Variants in KCNK10 observed in about 807,000 individuals in gnomAD.
The protein encoded by KCNK10 is potassium channel subfamily K member 10.
KCNK10 carries 25 observed loss-of-function variants against 47.7 expected under a neutral mutation model. That is an observed-to-expected ratio of 0.52 (90% CI 0.38 to 0.73). The LOEUF (loss-of-function observed/expected upper bound fraction) is 0.73. Ranked by LOEUF, KCNK10 falls within the 30% of genes least tolerant of loss-of-function variation. The probability of loss-of-function intolerance (pLI) is 0.00; values close to 1 mark genes in which losing one functional copy is unlikely to be tolerated. For synonymous variants in KCNK10, 303 were observed against 285.6 expected, an observed-to-expected ratio of 1.06 and a Z score of -0.61; for missense variants, 563 against 714.5, an observed-to-expected ratio of 0.79 and a Z score of 2.42.
intron 2 of KCNK10, among the ~76,000 whole-genome samples, chr14:88,246,263 A>C (rs1886637390): frequency 7.7e-6 from 1 of 129,590 alleles, no homozygotes; most frequent in Non-Finnish European, 1.7e-5. Context: ...ACTCCGTCTC[A>C]GAAAAAAAAA....
chr14:88,215,438 C>G (rs1453062034), intron 4 of KCNK10, among the ~76,000 whole-genome samples: 1 of 152,138 alleles, frequency 6.6e-6, no homozygotes, highest in Non-Finnish European at 1.5e-5. Context: ...TGGGAATAAT[C>G]TCCCCCATGA....
At chr14:88,239,449 C>A (rs1479136299) in intron 3 of KCNK10, among the ~76,000 whole-genome samples, 2 of 152,076 alleles carry the variant, frequency 1.3e-5, no homozygotes, top group South Asian at 4.1e-4. Flanking sequence ...TGATGTCCAC[C>A]AAAACTTTGT....
intron 4 of KCNK10, among the ~76,000 whole-genome samples, chr14:88,222,219 A>G (rs1184451603): frequency 6.6e-6 from 1 of 152,220 alleles, no homozygotes; most frequent in African/African-American, 2.4e-5. Flanking sequence ...AGAATAGCAC[A>G]GGAAAGACTG....
intron 4 of KCNK10, among the ~76,000 whole-genome samples, chr14:88,197,614 C>CAAAAAAAAAAA (rs1884960053): frequency 5.9e-5 from 3 of 50,814 alleles, no homozygotes; most frequent in Non-Finnish European, 1.3e-4. Context: ...AAAAAAAAAT[C>CAAAAAAAAAAA]AACTGTTCCA....
intron 1 of KCNK10, among the ~76,000 whole-genome samples, chr14:88,277,381 A>G (rs1478465306): frequency 2.6e-5 from 4 of 152,172 alleles, no homozygotes; most frequent in Non-Finnish European, 5.9e-5. Context: ...TGGCTCCTCT[A>G]ATGCATATCA....
At chr14:88,207,553 T>A (rs1027513725) in intron 4 of KCNK10, among the ~76,000 whole-genome samples, 1 of 152,196 alleles carries the variant, frequency 6.6e-6, no homozygotes, top group Non-Finnish European at 1.5e-5. Context: ...TGTCTCACTA[T>A]GCTGCCCAAG....
intron 1 of KCNK10, among the ~76,000 whole-genome samples, chr14:88,277,167 T>C (rs1468540224): frequency 6.6e-6 from 1 of 151,906 alleles, no homozygotes; most frequent in African/African-American, 2.4e-5. Flanking sequence ...TCAGTGCTCC[T>C]GGTTCATTTC....
intron 1 of KCNK10, among the ~76,000 whole-genome samples, chr14:88,278,922 T>C (rs1281852655): frequency 2.6e-5 from 4 of 152,212 alleles, no homozygotes; most frequent in African/African-American, 9.6e-5. Context: ...AGATTTTTAA[T>C]GGCCCCTCAG....
intron 4 of KCNK10, among the ~76,000 whole-genome samples, chr14:88,220,317 T>G (rs1236581785): frequency 7.0e-6 from 1 of 143,616 alleles, no homozygotes; most frequent in African/African-American, 2.6e-5. Flanking sequence ...CTTGGGAGGC[T>G]GAGGCAGGAG....
intron 4 of KCNK10, among the ~76,000 whole-genome samples, chr14:88,224,298 C>T (rs561997975): frequency 2.7e-4 from 41 of 152,264 alleles, no homozygotes; most frequent in African/African-American, 9.1e-4. Context: ...TAAGCCCTTT[C>T]GGAAACAAAG....
intron 3 of KCNK10, among the ~76,000 whole-genome samples, chr14:88,232,879 C>T (rs1190668610): frequency 1.3e-5 from 2 of 152,192 alleles, no homozygotes; most frequent in Non-Finnish European, 2.9e-5. Context: ...TCCTGCCTCC[C>T]ACCACAGAGG....
intron 2 of KCNK10, among the ~76,000 whole-genome samples, chr14:88,250,629 C>T (rs907336739): frequency 3.3e-5 from 5 of 152,194 alleles, no homozygotes. Flanking sequence ...CAACACGCTG[C>T]TTTCCTAAAA....
rs1595124897 is a variant in KCNK10 at position 88,291,372 on chromosome 14, T to A, written c.53-27821A>T. Among the ~76,000 whole-genome samples, 8 of 152,292 alleles carry A rather than the reference T, an allele frequency of 5.3e-5. 2 individuals carry two copies. Among genetic ancestry groups the A allele is most frequent in the Admixed American group, 5.2e-4 (8 of 15,292 alleles). ...TGTTGTCTTGGGGTTTATACTGAGA[T>A]CTCTCAAAACTGAAGACTGAGGATC... is the stretch of plus-strand genomic sequence containing the variant. On this transcript the variant is annotated intron_variant, in intron 1 of 6. Coordinates refer to ENST00000319231, the MANE Select transcript of KCNK10 (RefSeq NM_138317.3).
intron 3 of KCNK10, among the ~76,000 whole-genome samples, chr14:88,231,292 T>TAAAAAA (rs1555361722): frequency 9.9e-5 from 15 of 151,272 alleles, no homozygotes; most frequent in African/African-American, 3.7e-4. Flanking sequence ...AAAATAAAAA[T>TAAAAAA]AAAAATAAAA....
rs1887093472 is a variant in KCNK10, at chr14:88,260,962, A to C, written c.402+2240T>G. ...CGCTCTCTGACCCTGTCCTTCATTC[A>C]GGTCTCTGAGCTCTCTCATAAAGAT... On this transcript the variant is annotated intron_variant, in intron 2 of 6. Transcript: ENST00000319231. This position sits in a 1 kb window ranked among gnomAD's most constrained non-coding sequence, Gnocchi z 4.5. Among the ~76,000 whole-genome samples, 1 of 152,222 alleles carries C rather than the reference A, an allele frequency of 6.6e-6. No homozygotes were observed. The highest frequency in any genetic ancestry group is 2.1e-4 in the South Asian group (1 of 4,830).
chr14:88,317,377 G>A (rs973104905), intron 1 of KCNK10, among the ~76,000 whole-genome samples: 2 of 152,224 alleles, frequency 1.3e-5, no homozygotes, highest in Non-Finnish European at 1.5e-5. Context: ...GCAGAAGGAA[G>A]ATCTAAGGGT....
At position 88,183,346 on chromosome 14, in the gene KCNK10, C is replaced by T. The variant is rs1035893147; in HGVS notation, c.*2189G>A. The T allele has an allele frequency of 3.3e-5, 5 of 152,310 alleles. No homozygotes were observed. In the South Asian group the frequency reaches 6.2e-4, roughly 19 times the overall value. 9.4% of individuals were successfully genotyped at this position (152,310 alleles called of 1,614,324 possible). A position where few individuals can be genotyped will look rare whatever the true frequency, so the allele number is the denominator to read the frequency against. ...GAGGGAAGCCTCTGCCAGATTTGGC[C>T]GTAGGGCCTGGAATTTTAACACACT... On this transcript the variant is annotated 3_prime_UTR_variant, in exon 7 of 7. Coordinates refer to ENST00000319231, the MANE Select transcript of KCNK10 (RefSeq NM_138317.3).
chr14:88,192,282 C>T lies in KCNK10; in HGVS notation c.810G>A (p.Glu270=), dbSNP rs1046717819. The T allele has an allele frequency of 2.5e-6, 4 of 1,614,008 alleles. No individual in the cohort carries two copies. Among genetic ancestry groups the T allele is most frequent in the African/African-American group, 1.3e-5 (1 of 74,918 alleles). Residue 270 remains glutamate, a synonymous_variant, in exon 5 of 7, where the codon GAG becomes GAA. Transcript: ENST00000319231. The part of the protein sequence containing the change: ...FKYIEGWTAL[E]SIYFVVVTLT... ...GAGTGACCACCACAAAGTAAATGGACTCCAAGGCCGTCCAGCCCTCGATGT... is the reference window on the plus strand; with the variant it reads ...GAGTGACCACCACAAAGTAAATGGATTCCAAGGCCGTCCAGCCCTCGATGT...
At chr14:88,242,561 C>T (rs985352382) in intron 2 of KCNK10, among the ~76,000 whole-genome samples, 4 of 152,088 alleles carry the variant, frequency 2.6e-5, no homozygotes, top group East Asian at 1.9e-4. Context: ...TATGCAAGAC[C>T]GCAGCCGGCC....
Sources: allele counts gnomAD v4.1 joint callset (sites outside exome capture counted in the v4.1 genomes callset), GRCh38; gene constraint gnomAD v4.1.1; non-coding constraint Gnocchi (gnomAD v3.1); transcripts MANE v1.5; gene names NCBI Gene and HGNC (gene_info 2026-07-23, HGNC 2026-07-21).